The following KDM1A variants were observed in gnomAD, a reference collection of about 807,000 sequenced individuals.
The protein encoded by KDM1A is lysine demethylase 1A, also known as lysine-specific histone demethylase 1A.
Under a neutral mutation model 109.4 loss-of-function variants are expected in KDM1A, and 49 were observed. The observed-to-expected ratio is 0.45, with a 90% CI of 0.36 to 0.57. The LOEUF (loss-of-function observed/expected upper bound fraction) is 0.57, where lower values mean the gene tolerates loss of function less well. Ranked by LOEUF, KDM1A falls within the 20% of genes least tolerant of loss-of-function variation. The pLI, the probability that KDM1A is intolerant of heterozygous loss-of-function variation, is 0.00. For synonymous variants in KDM1A, 380 were observed against 415.4 expected (o/e 0.91, Z 1.04); for missense variants, 668 against 1,116.6 (o/e 0.60, Z 5.73).
intron 9 of KDM1A, among the ~76,000 whole-genome samples, chr1:23,063,223 TGTGTGTGG>T (rs1254431072): frequency 3.0e-4 from 20 of 66,456 alleles, no homozygotes; most frequent in African/African-American, 6.6e-4. Context: ...GTGGGGTGGG[TGTGTGTGG>T]GTGTGTGTGT....
Position 23,020,085 on chromosome 1 carries a change from T to TC in KDM1A, c.351+142dup, listed in dbSNP as rs1641575628. 1.7e-5 allele frequency: 16 copies of TC among 942,708 alleles called. No homozygotes were observed. The South Asian group carries it at 4.0e-4, about 24-fold the overall frequency. 58.4% of individuals were successfully genotyped at this position (942,708 alleles called of 1,614,324 possible). A position where few individuals can be genotyped will look rare whatever the true frequency, so the allele number is the denominator to read the frequency against. On this transcript the variant is annotated intron_variant, in intron 1 of 20. Coordinates refer to ENST00000400181, the MANE Select transcript of KDM1A (RefSeq NM_001009999.3). ...CCCTTGTATCGCTGCGCACGCCACG[T>TC]CCCCTCTAGCTGGACGGGTGGGGTG...
At chr1:23,067,176 G>A (rs935597921) in intron 10 of KDM1A, among the ~76,000 whole-genome samples, 1 of 152,074 alleles carries the variant, frequency 6.6e-6, no homozygotes, top group African/African-American at 2.4e-5. Flanking sequence ...TTAGGCTAAG[G>A]GTAATTCTTT....
intron 1 of KDM1A, among the ~76,000 whole-genome samples, chr1:23,025,435 A>G (rs535393646): frequency 4.6e-5 from 7 of 151,574 alleles, no homozygotes; most frequent in East Asian, 2.0e-4. Context: ...GGTTCAAGCA[A>G]TTCTTCTGCC....
chr1:23,039,591 A>G (rs1311565406), intron 2 of KDM1A, among the ~76,000 whole-genome samples: 1 of 152,188 alleles, frequency 6.6e-6, no homozygotes, highest in African/African-American at 2.4e-5. Flanking sequence ...TTACCAATCC[A>G]CTTGATCTCC....
Position 23,069,143 on chromosome 1 carries a change from C to A in KDM1A, c.1405C>A (p.Leu469Ile). The change falls in exon 12 of 21, where the codon CTT becomes ATT. Residue 469 changes from leucine (L) to isoleucine (I), a missense_variant. Coordinates refer to ENST00000400181, the MANE Select transcript of KDM1A (RefSeq NM_001009999.3). Reference protein sequence around the residue: ...VKTQEELKELLNKMVNLKEKI... With the variant: ...VKTQEELKELINKMVNLKEKI... Reference sequence around the variant, plus strand: ...AACTCAGGAAGAATTGAAAGAACTTCTTAATAAGGTGAAATTCTGTATTTT... The same window carrying A: ...AACTCAGGAAGAATTGAAAGAACTTATTAATAAGGTGAAATTCTGTATTTT... 6.3e-7 allele frequency: 1 copy of A among 1,581,406 alleles called. No individual in the cohort carries two copies.
At chr1:23,028,599 T>C (rs911469989) in intron 1 of KDM1A, among the ~76,000 whole-genome samples, 6 of 152,198 alleles carry the variant, frequency 3.9e-5, no homozygotes, top group Non-Finnish European at 7.3e-5. Context: ...AAGGACTGAA[T>C]CTTTGGGGAA....
At chr1:23,068,450 A>G (rs1643216225) in intron 10 of KDM1A, 89 bp from the exon 11 acceptor site, 6 of 1,070,886 alleles carry the variant, frequency 5.6e-6, no homozygotes, top group Non-Finnish European at 6.5e-6. Context: ...ACATATTTTG[A>G]CCTTTATAAA....
chr1:23,028,050 C>A (rs1427836206), intron 1 of KDM1A, among the ~76,000 whole-genome samples: 1 of 152,280 alleles, frequency 6.6e-6, no homozygotes, highest in African/African-American at 2.4e-5. Flanking sequence ...CCTTTCTAGA[C>A]CACCCTTTTC....
At chr1:23,081,371 A>G in intron 18 of KDM1A, 75 bp from the exon 19 acceptor site, 1 of 1,534,946 alleles carries the variant, frequency 6.5e-7, no homozygotes, top group South Asian at 1.2e-5. Context: ...ACCAGGAATA[A>G]GGTGGGGCCT....
intron 1 of KDM1A, among the ~76,000 whole-genome samples, chr1:23,024,196 A>T (rs1641728064): frequency 6.6e-6 from 1 of 152,022 alleles, no homozygotes; most frequent in African/African-American, 2.4e-5. Flanking sequence ...AACTCATCTT[A>T]CTTACCCTGT....
intron 2 of KDM1A, among the ~76,000 whole-genome samples, chr1:23,040,404 A>T (rs1293857307): frequency 6.6e-6 from 1 of 152,220 alleles, no homozygotes; most frequent in Non-Finnish European, 1.5e-5. Flanking sequence ...CTTAGATCTG[A>T]AGGTCTAGAA....
intron 10 of KDM1A, 87 bp from the exon 11 acceptor site, chr1:23,068,452 C>A: frequency 8.8e-7 from 1 of 1,135,484 alleles, no homozygotes; most frequent in Non-Finnish European, 1.2e-6. Flanking sequence ...ATATTTTGAC[C>A]TTTATAAACT....
Position 23,030,519 on chromosome 1 carries a change from G to A in KDM1A, c.402G>A (p.Glu134=). The A allele has an allele frequency of 6.2e-7, 1 of 1,612,342 alleles. No homozygotes were observed. The highest frequency in any genetic ancestry group is 1.1e-5 in the South Asian group (1 of 90,750). ...DESLANLSED[E]YYSEEERNAK... ...GCTTGGCCAACCTCTCAGAAGATGAGTATTATTCAGAAGAAGAGAGAAATG... is the reference window on the plus strand; with the variant it reads ...GCTTGGCCAACCTCTCAGAAGATGAATATTATTCAGAAGAAGAGAGAAATG... Residue 134 remains glutamate (E), a synonymous_variant, in exon 2 of 21, where the codon GAG becomes GAA. Coordinates refer to ENST00000400181, the MANE Select transcript of KDM1A (RefSeq NM_001009999.3).
chr1:23,082,422 T>A (rs1643647391), intron 20 of KDM1A, 56 bp downstream of exon 20: 1 of 1,458,432 alleles, frequency 6.9e-7, no homozygotes, highest in Middle Eastern at 2.2e-4. Context: ...GATCTCATGA[T>A]GTCCCTGATT....
chr1:23,069,431 T>C (rs914741685), intron 12 of KDM1A, among the ~76,000 whole-genome samples: 14 of 152,136 alleles, frequency 9.2e-5, no homozygotes, highest in Admixed American at 6.5e-5. Context: ...CCTCCCTCAG[T>C]CACATTGGAA....
chr1:23,041,245 G>A (rs1022060732), intron 2 of KDM1A, among the ~76,000 whole-genome samples: 2 of 152,002 alleles, frequency 1.3e-5, no homozygotes, highest in Non-Finnish European at 2.9e-5. Flanking sequence ...AAGTATGATT[G>A]GAGTGAAAAT....
chr1:23,076,930 A>G (rs2124536625), intron 15 of KDM1A, among the ~76,000 whole-genome samples: 1 of 150,584 alleles, frequency 6.6e-6, no homozygotes. Flanking sequence ...ACGCCACTGC[A>G]CTCCAGCCTG....
At chr1:23,080,775 C>CA (rs2124550208) in intron 18 of KDM1A, 1 of 152,306 alleles carries the variant, frequency 6.6e-6, no homozygotes, top group Non-Finnish European at 1.5e-5. Flanking sequence ...ACATAAATTT[C>CA]AAAGTATTTC....
Position 23,053,818 on chromosome 1 carries a change from C to G in KDM1A, c.769C>G (p.Gln257Glu). ...IQLTFEATLQ[Q>E]LEAPYNSDTV... is the part of the protein sequence containing the mutation. ...GCTGACATTTGAGGCTACTCTCCAA[C>G]AATTAGAAGCACCTTATAACAGTAA... Residue 257 changes from glutamine to glutamate, a missense_variant, in exon 5 of 21, where the codon CAA (glutamine) becomes GAA (glutamate). Physicochemically the swap from Gln to Glu is conservative, Grantham distance 29 (BLOSUM62 2). This residue lies in a region of KDM1A where 149 missense variants were observed against 189.7 expected (regional missense o/e 0.79). Coordinates refer to ENST00000400181, the MANE Select transcript of KDM1A (RefSeq NM_001009999.3). 6.3e-7 allele frequency: 1 copy of G among 1,599,928 alleles called. No homozygotes were observed. Among genetic ancestry groups the G allele is most frequent in the Non-Finnish European group, 8.6e-7 (1 of 1,167,232 alleles).
Sources: allele counts gnomAD v4.1 joint callset (sites outside exome capture counted in the v4.1 genomes callset), GRCh38; gene constraint gnomAD v4.1.1; regional missense constraint gnomAD v4.1.1; transcripts MANE v1.5; gene names NCBI Gene and HGNC (gene_info 2026-07-23, HGNC 2026-07-21).